PSEN1: variants seen among roughly 807,000 people sequenced by gnomAD.
The protein encoded by PSEN1 is presenilin 1.
PSEN1 carries 15 observed loss-of-function variants against 53.5 expected under a neutral mutation model. The observed-to-expected ratio is 0.28, with a 90% CI of 0.19 to 0.43. The LOEUF (loss-of-function observed/expected upper bound fraction) is 0.43, where lower values mean the gene tolerates loss of function less well. PSEN1 is among the 20% of genes least tolerant of loss of function. PSEN1 has a pLI of 1.00. For missense variants in PSEN1, 387 were observed against 571.2 expected (o/e 0.68, Z 3.29); for synonymous variants, 208 against 209.8 (o/e 0.99, Z 0.08).
chr14:73,205,837 A>G (rs983882159), intron 8 of PSEN1, among the ~76,000 whole-genome samples: 2 of 152,242 alleles, frequency 1.3e-5, no homozygotes, highest in Non-Finnish European at 2.9e-5. Flanking sequence ...ATTGATATAC[A>G]TGTATTTTTG....
intron 11 of PSEN1, among the ~76,000 whole-genome samples, chr14:73,218,876 T>G (rs1283251287): frequency 6.6e-6 from 1 of 152,258 alleles, no homozygotes; most frequent in Non-Finnish European, 1.5e-5. Context: ...TAGTTTTACT[T>G]ATTTTCAGAT....
rs368499173 is a variant in PSEN1 at position 73,142,307 on chromosome 14, T to C, written c.-135-5488T>C. The stretch of plus-strand genomic sequence containing the variant: ...AATAAAGAATAAATCACAAGCTCAT[T>C]GGCACTTGAAACTTAGCATTGCAGT... On this transcript the variant is annotated intron_variant, in intron 1 of 11. Transcript: ENST00000324501. Among the ~76,000 whole-genome samples the C allele has an allele frequency of 1.2e-4, 18 of 152,322 alleles. No individual in the cohort carries two copies. The East Asian group carries it at 2.3e-3, about 20-fold the overall frequency.
At chr14:73,201,900 C>T (rs754965610) in intron 8 of PSEN1, among the ~76,000 whole-genome samples, 7 of 152,128 alleles carry the variant, frequency 4.6e-5, no homozygotes, top group Non-Finnish European at 8.8e-5. Context: ...GCACCCACCA[C>T]CACATCCGGC....
chr14:73,198,428 G>GT (rs768667211), intron 8 of PSEN1, among the ~76,000 whole-genome samples: 31 of 152,358 alleles, frequency 2.0e-4, no homozygotes, highest in South Asian at 6.2e-4. Context: ...ATTCCTTTGA[G>GT]TGACTGGTTT....
At chr14:73,216,989 C>A in intron 10 of PSEN1, 137 bp from the exon 11 acceptor site, 4 of 978,870 alleles carry the variant, frequency 4.1e-6, no homozygotes, top group South Asian at 1.4e-5. Flanking sequence ...GAAAACACAG[C>A]TGAAGCCTAA....
At chr14:73,218,751 G>A (rs529684611) in intron 11 of PSEN1, among the ~76,000 whole-genome samples, 12 of 143,732 alleles carry the variant, frequency 8.3e-5, no homozygotes, top group Middle Eastern at 3.9e-3. Flanking sequence ...AGAAGCCCCC[G>A]CACAGCATAG....
At chr14:73,199,150 G>A (rs1899074998) in intron 8 of PSEN1, among the ~76,000 whole-genome samples, 2 of 152,192 alleles carry the variant, frequency 1.3e-5, no homozygotes, top group African/African-American at 4.8e-5. Context: ...GACAGTACCT[G>A]TGGGTCACTA....
At chr14:73,190,485 TA>T (rs78682030) in intron 6 of PSEN1, among the ~76,000 whole-genome samples, 24,857 of 133,010 alleles carry the variant, frequency 0.19, 2,099 homozygotes, top group Admixed American at 0.23. Context: ...TGTCTCTATT[TA>T]AAAAAAAAAA....
At chr14:73,151,584 C>A (rs919768139) in intron 3 of PSEN1, among the ~76,000 whole-genome samples, 9 of 151,984 alleles carry the variant, frequency 5.9e-5, no homozygotes, top group Non-Finnish European at 1.2e-4. Context: ...AAAAAGTAAT[C>A]TCACGCTGTC....
Position 73,219,624 on chromosome 14 carries a change from A to G in PSEN1, c.*335A>G. 2.7e-6 allele frequency: 1 copy of G among 364,316 alleles called. No individual in the cohort carries two copies. Among genetic ancestry groups the G allele is most frequent in the Non-Finnish European group, 5.2e-6 (1 of 190,550 alleles). The allele number at this position is 364,316 out of a possible 1,614,324, so 22.6% of individuals were successfully genotyped here. A position where few individuals can be genotyped will look rare whatever the true frequency, so the allele number is the denominator to read the frequency against. ...TGACGCGTGGTCACAGGACGATTTC[A>G]CTGACACTGCGAACTCTCAGGACTA... On this transcript the variant is annotated 3_prime_UTR_variant, in exon 12 of 12. Coordinates refer to ENST00000324501, the MANE Select transcript of PSEN1 (RefSeq NM_000021.4).
At chr14:73,179,703 T>G (rs1214069683) in intron 5 of PSEN1, among the ~76,000 whole-genome samples, 1 of 152,212 alleles carries the variant, frequency 6.6e-6, no homozygotes, top group Non-Finnish European at 1.5e-5. Context: ...ACTAGAGGTC[T>G]TCTGGAGCTC....
At chr14:73,158,779 A>G (rs1264212246) in intron 3 of PSEN1, among the ~76,000 whole-genome samples, 5 of 152,200 alleles carry the variant, frequency 3.3e-5, no homozygotes, top group Non-Finnish European at 4.4e-5. Flanking sequence ...TAACTTTTTA[A>G]GGTACTACCA....
chr14:73,221,865 C>G lies in PSEN1; in HGVS notation c.*2576C>G, dbSNP rs1900124593. ...ATTTCCATAAGGATGTGCCTTCACT[C>G]ACACGGGACAGGCGGTGGTTATAGA... is the stretch of plus-strand genomic sequence containing the variant. On this transcript the variant is annotated 3_prime_UTR_variant, in exon 12 of 12. Coordinates refer to ENST00000324501, the MANE Select transcript of PSEN1 (RefSeq NM_000021.4). 1 of 152,170 alleles carries G rather than the reference C, an allele frequency of 6.6e-6. No homozygotes were observed. The highest frequency in any genetic ancestry group is 1.5e-5 in the Non-Finnish European group (1 of 68,038). 9.4% of individuals were successfully genotyped at this position (152,170 alleles called of 1,614,324 possible).
intron 1 of PSEN1, among the ~76,000 whole-genome samples, chr14:73,142,224 C>T (rs573888348): frequency 8.5e-5 from 13 of 152,178 alleles, no homozygotes; most frequent in East Asian, 3.9e-4. Context: ...GAAGTTGGGC[C>T]GCCTGTCCAG....
At chr14:73,198,321 C>T (rs1190745362) in intron 8 of PSEN1, among the ~76,000 whole-genome samples, 192 bp downstream of exon 8, 1 of 152,134 alleles carries the variant, frequency 6.6e-6, no homozygotes, top group Non-Finnish European at 1.5e-5. Flanking sequence ...AGAGAGTTTT[C>T]AATATGAATA....
intron 4 of PSEN1, among the ~76,000 whole-genome samples, chr14:73,171,973 T>C (rs1897904476): frequency 6.6e-6 from 1 of 152,180 alleles, no homozygotes; most frequent in Admixed American, 6.5e-5. Context: ...AATTTGCAAA[T>C]ATATATTTAT....
intron 8 of PSEN1, chr14:73,206,076 A>C (rs368122537): frequency 2.8e-6 from 1 of 357,986 alleles, no homozygotes; most frequent in Non-Finnish European, 5.2e-6. Flanking sequence ...TAGTCCAGCT[A>C]TTGTTTCAGT....
chr14:73,218,723 T>TGCCCCCGCACAGCATAGAGAA (rs1043673363), intron 11 of PSEN1, among the ~76,000 whole-genome samples: 1 of 146,386 alleles, frequency 6.8e-6, no homozygotes, highest in Non-Finnish European at 1.5e-5. Context: ...GCATAGAGAA[T>TGCCCCCGCACAGCATAGAGAA]GCCCCCGCAC....
At chr14:73,157,692 T>C (rs1345659529) in intron 3 of PSEN1, among the ~76,000 whole-genome samples, 2 of 152,074 alleles carry the variant, frequency 1.3e-5, no homozygotes, top group Non-Finnish European at 2.9e-5. Context: ...TTTACTATTA[T>C]GATACTATTT....
Sources: gnomAD v4.1 joint callset for allele counts (sites outside exome capture counted in the v4.1 genomes callset) on GRCh38, gnomAD v4.1.1 for gene constraint, MANE v1.5 for transcripts, NCBI Gene and HGNC (gene_info 2026-07-23, HGNC 2026-07-21) for gene names.